Variants in RAB11FIP5 observed in about 807,000 individuals in gnomAD.
RAB11FIP5 encodes the protein RAB11 family interacting protein 5, also known as rab11 family-interacting protein 5.
A neutral mutation model predicts 85.1 loss-of-function variants in RAB11FIP5; 48 were observed. The ratio of observed to expected loss-of-function variants is 0.56; its 90% CI spans 0.45 to 0.72. The LOEUF (loss-of-function observed/expected upper bound fraction) is 0.72. Ranked by LOEUF, RAB11FIP5 falls within the 30% of genes least tolerant of loss-of-function variation. The pLI is 0.00. For synonymous variants in RAB11FIP5, 729 were observed against 727.3 expected, an observed-to-expected ratio of 1.00 and a Z score of -0.04; for missense variants, 1,491 against 1,687.0, an observed-to-expected ratio of 0.88 and a Z score of 2.04.
rs1211530852 is a variant in RAB11FIP5 at position 73,081,379 on chromosome 2, A to C, written c.1853T>G (p.Leu618Arg). ...AGAGGGAGCAGGTGAAGGAGAGTTT[A>C]GTGCTATGTCGGCTATGAGCTCCTC... ...FFEELIADIA[L>R]NSPSPAPSLP... The change falls in exon 4 of 6, where the codon CTA (leucine) becomes CGA (arginine). Residue 618 changes from leucine to arginine, a missense_variant. Physicochemically the swap from Leu to Arg is moderately radical, Grantham distance 102. Transcript: ENST00000486777. The surrounding 1 kb of genome is among the most constrained non-coding windows in gnomAD (Gnocchi z 4.2). 8.1e-7 allele frequency: 1 copy of C among 1,232,522 alleles called. No homozygotes were observed. The highest frequency in any genetic ancestry group is 1.0e-6 in the Non-Finnish European group (1 of 988,340). The allele number at this position is 1,232,522 out of a possible 1,614,324, so 76.3% of individuals were successfully genotyped here.
chr2:73,084,356 C>G (rs927666311), intron 3 of RAB11FIP5: 1 of 152,258 alleles, frequency 6.6e-6, no homozygotes, highest in Non-Finnish European at 1.5e-5. Flanking sequence ...GAACATATTC[C>G]CACGTATGCT....
At chr2:73,087,214 C>T (rs973007424) in intron 3 of RAB11FIP5, among the ~76,000 whole-genome samples, 5 of 152,198 alleles carry the variant, frequency 3.3e-5, no homozygotes, top group East Asian at 1.9e-4. Flanking sequence ...TGGGAAGGTG[C>T]GACACACACT....
rs1655275605 is a variant in RAB11FIP5 at position 73,089,912 on chromosome 2, CA to C, written c.432-598del. Among the ~76,000 whole-genome samples the C allele has an allele frequency of 7.0e-6, 1 of 142,720 alleles. No homozygotes were observed. Among genetic ancestry groups the C allele is most frequent in the Admixed American group, 6.9e-5 (1 of 14,404 alleles). 93.6% of individuals were successfully genotyped at this position (142,720 alleles called of 152,430 possible). ...ACACACACACACACACACACACACA[CA>C]CACCTCACTCACACACTGACTCACC... On this transcript the variant is annotated intron_variant, in intron 1 of 5. Coordinates refer to ENST00000486777, the MANE Select transcript of RAB11FIP5 (RefSeq NM_001371272.1). This position sits in a 1 kb window ranked among gnomAD's most constrained non-coding sequence, Gnocchi z 4.6.
At position 73,078,164 on chromosome 2, in the gene RAB11FIP5, A is replaced by G. The variant is rs1373076316; in HGVS notation, c.3581+1487T>C. On this transcript the variant is annotated intron_variant, in intron 4 of 5. Coordinates refer to ENST00000486777, the MANE Select transcript of RAB11FIP5 (RefSeq NM_001371272.1). The surrounding 1 kb of genome is among the most constrained non-coding windows in gnomAD (Gnocchi z 4.4). ...CAGGGAAGGGGAGGATGACCAGTGTAGTATAAAAGTGCCTTGAATGAGGGG... is the reference window on the plus strand; with the variant it reads ...CAGGGAAGGGGAGGATGACCAGTGTGGTATAAAAGTGCCTTGAATGAGGGG... Among the ~76,000 whole-genome samples the G allele has an allele frequency of 6.6e-6, 1 of 152,230 alleles. No homozygotes were observed. The highest frequency in any genetic ancestry group is 6.5e-5 in the Admixed American group (1 of 15,284).
chr2:73,111,466 G>C (rs1442279695), intron 1 of RAB11FIP5, among the ~76,000 whole-genome samples: 1 of 152,208 alleles, frequency 6.6e-6, no homozygotes, highest in Non-Finnish European at 1.5e-5. Flanking sequence ...CAGCCCCGGG[G>C]ACTGGCTTCC....
At chr2:73,110,526 C>G (rs758293977) in intron 1 of RAB11FIP5, among the ~76,000 whole-genome samples, 6 of 150,352 alleles carry the variant, frequency 4.0e-5, no homozygotes, top group Non-Finnish European at 7.4e-5. Context: ...TCAGAGAAAA[C>G]AGCCAGGTGG....
intron 1 of RAB11FIP5, among the ~76,000 whole-genome samples, chr2:73,103,674 G>A (rs1055883599): frequency 3.3e-5 from 5 of 152,158 alleles, no homozygotes; most frequent in African/African-American, 1.2e-4. Context: ...AGGTGATACT[G>A]GGAAGGCACC....
At chr2:73,097,306 A>C (rs1346863424) in intron 1 of RAB11FIP5, among the ~76,000 whole-genome samples, 2 of 151,784 alleles carry the variant, frequency 1.3e-5, no homozygotes. Flanking sequence ...CAAAGTGCTG[A>C]GATTACAGGC....
At chr2:73,101,481 GGTTAT>G (rs1320266272) in intron 1 of RAB11FIP5, among the ~76,000 whole-genome samples, 1 of 152,186 alleles carries the variant, frequency 6.6e-6, no homozygotes, top group East Asian at 1.9e-4. Context: ...ATGGCATTAA[GGTTAT>G]GTTTTTTCTA....
Position 73,081,974 on chromosome 2 carries a change from C to G in RAB11FIP5, c.1569-311G>C, listed in dbSNP as rs559753529. 2.6e-5 allele frequency among the ~76,000 whole-genome samples: 4 copies of G among 151,732 alleles called. No individual in the cohort carries two copies. The highest frequency in any genetic ancestry group is 6.6e-5 in the Admixed American group (1 of 15,252). On this transcript the variant is annotated intron_variant, in intron 3 of 5. Transcript: ENST00000486777. The surrounding 1 kb of genome is among the most constrained non-coding windows in gnomAD (Gnocchi z 4.2). ...TTCTTTCCTCTATCCCATGCTGAAG[C>G]TTCTAAGGTTCTACTCAACAAGGAA... is the stretch of plus-strand genomic sequence containing the variant.
In RAB11FIP5 at chr2:73,112,707, G is replaced by C; in HGVS notation, c.71C>G (p.Thr24Arg). ...SRWLPTHVQVTVLRARGLRGK... is the reference protein window; with the variant it reads ...SRWLPTHVQVRVLRARGLRGK... ...CCGCAGCCCGCGGGCCCGCAGCACC[G>C]TCACCTGGACGTGCGTGGGCAGCCA... The change falls in exon 1 of 6, where the codon ACG becomes AGG. Residue 24 changes from threonine to arginine, a missense_variant. Transcript: ENST00000486777. 6.4e-7 allele frequency: 1 copy of C among 1,561,886 alleles called. No individual in the cohort carries two copies. Among genetic ancestry groups the C allele is most frequent in the Non-Finnish European group, 8.7e-7 (1 of 1,156,040 alleles).
intron 1 of RAB11FIP5, among the ~76,000 whole-genome samples, chr2:73,106,275 T>A (rs1684524414): frequency 6.6e-6 from 1 of 152,136 alleles, no homozygotes; most frequent in African/African-American, 2.4e-5. Context: ...ATGCTCCAGA[T>A]GTGGGGATTC....
chr2:73,080,499 T>C lies in RAB11FIP5; in HGVS notation c.2733A>G (p.Ser911=). The C allele has an allele frequency of 8.1e-7, 1 of 1,233,162 alleles. No individual in the cohort carries two copies. Among genetic ancestry groups the C allele is most frequent in the Non-Finnish European group, 1.0e-6 (1 of 988,538 alleles). 76.4% of individuals were successfully genotyped at this position (1,233,162 alleles called of 1,614,324 possible). Residue 911 remains serine, a synonymous_variant, in exon 4 of 6, where the codon TCA becomes TCG. Transcript: ENST00000486777. ...PPKPPRLFTP[S]RSQEEEEEKA... is the part of the protein sequence containing the mutation. ...TCTCCTCCTCCTCCTCCTGGGATCT[T>C]GAGGGTGTGAAGAGGCGCGGTGGCT...
intron 1 of RAB11FIP5, among the ~76,000 whole-genome samples, chr2:73,092,246 C>T (rs953062101): frequency 1.3e-5 from 2 of 152,332 alleles, no homozygotes; most frequent in Admixed American, 1.3e-4. Flanking sequence ...CCAAACCGCC[C>T]AAGCCCTGAG....
At chr2:73,092,158 C>T (rs567735029) in intron 1 of RAB11FIP5, among the ~76,000 whole-genome samples, 272 of 152,338 alleles carry the variant, frequency 1.8e-3, no homozygotes, top group African/African-American at 6.2e-3. Flanking sequence ...GTCACTTTCC[C>T]TAAATCTGGG....
chr2:73,099,966 G>A (rs1490841855), intron 1 of RAB11FIP5, among the ~76,000 whole-genome samples: 1 of 152,182 alleles, frequency 6.6e-6, no homozygotes, highest in Non-Finnish European at 1.5e-5. Flanking sequence ...CATCCCCAAG[G>A]CAAATGAAGT....
chr2:73,083,524 G>A (rs1172517102), intron 3 of RAB11FIP5, among the ~76,000 whole-genome samples: 1 of 152,164 alleles, frequency 6.6e-6, no homozygotes, highest in Non-Finnish European at 1.5e-5. Context: ...AAGATGGAGG[G>A]AGAGGGAGGT....
chr2:73,075,833 A>C lies in RAB11FIP5; in HGVS notation c.3772-109T>G. 6.9e-7 allele frequency: 1 copy of C among 1,455,662 alleles called. No individual in the cohort carries two copies. The highest frequency in any genetic ancestry group is 9.4e-7 in the Non-Finnish European group (1 of 1,067,192). The allele number at this position is 1,455,662 out of a possible 1,614,324, so 90.2% of individuals were successfully genotyped here. On this transcript the variant is annotated intron_variant, in intron 5 of 5. Transcript: ENST00000486777. This position sits in a 1 kb window ranked among gnomAD's most constrained non-coding sequence, Gnocchi z 4.6. ...ACCAACACCTAAGTTTCACCACCAC[A>C]GGGCCCCAGGCTGCCTGTCTCCAAA... is the stretch of plus-strand genomic sequence containing the variant.
chr2:73,093,665 C>T (rs1684263123), intron 1 of RAB11FIP5, among the ~76,000 whole-genome samples: 1 of 152,230 alleles, frequency 6.6e-6, no homozygotes, highest in Non-Finnish European at 1.5e-5. Context: ...CAACCATCCT[C>T]TTGGCTGTTG....
Sources: allele counts gnomAD v4.1 joint callset (sites outside exome capture counted in the v4.1 genomes callset), GRCh38; gene constraint gnomAD v4.1.1; non-coding constraint Gnocchi (gnomAD v3.1); transcripts MANE v1.5; gene names NCBI Gene and HGNC (gene_info 2026-07-23, HGNC 2026-07-21).